ADAMTS17: variants seen among roughly 807,000 people sequenced by gnomAD.
The protein encoded by ADAMTS17 is A disintegrin and metalloproteinase with thrombospondin motifs 17.
A neutral mutation model predicts 141.5 loss-of-function variants in ADAMTS17; 113 were observed. The observed-to-expected ratio is 0.80, with a 90% CI of 0.69 to 0.93. The LOEUF (loss-of-function observed/expected upper bound fraction) is 0.93. Among genes scored for constraint, ADAMTS17 ranks in the 40% least tolerant of loss-of-function variants. The pLI, the probability that ADAMTS17 is intolerant of heterozygous loss-of-function variation, is 0.00. For synonymous variants in ADAMTS17, 768 were observed against 630.6 expected (o/e 1.22, Z -3.27); for missense variants, 1,659 against 1,517.9 (o/e 1.09, Z -1.54).
chr15:100,261,645 A>G lies in ADAMTS17; in HGVS notation c.874-9T>C, dbSNP rs748191050. The G allele has an allele frequency of 2.5e-6, 4 of 1,613,096 alleles. No individual in the cohort carries two copies. The highest frequency in any genetic ancestry group is 4.5e-5 in the East Asian group (2 of 44,868). ...CCAATGGACAACTTAGCCTAAAAAA[A>G]GTCAGAGGACAGTTAGAGAAACAAA... On this transcript the variant is annotated splice_polypyrimidine_tract_variant and intron_variant, in intron 5 of 21. Coordinates refer to ENST00000268070, the MANE Select transcript of ADAMTS17 (RefSeq NM_139057.4).
intron 10 of ADAMTS17, among the ~76,000 whole-genome samples, chr15:100,152,289 CAG>C (rs1222822949): frequency 1.3e-5 from 2 of 152,106 alleles, no homozygotes; most frequent in African/African-American, 4.8e-5. Context: ...GTTAGGCTAC[CAG>C]AGTCAGTAGT....
At chr15:100,286,974 G>A (rs1239221940) in intron 3 of ADAMTS17, among the ~76,000 whole-genome samples, 1 of 152,226 alleles carries the variant, frequency 6.6e-6, no homozygotes, top group African/African-American at 2.4e-5. Flanking sequence ...CGGATCACAA[G>A]GTCAAGAGAT....
chr15:100,319,350 G>GAATTTGAGCTCACGGTAT (rs1271667353), intron 3 of ADAMTS17, among the ~76,000 whole-genome samples: 4 of 152,214 alleles, frequency 2.6e-5, no homozygotes, highest in African/African-American at 9.7e-5. Context: ...CACATCAGCA[G>GAATTTGAGCTCACGGTAT]AATTTGAGCT....
At chr15:100,235,113 G>A (rs540569240) in intron 7 of ADAMTS17, among the ~76,000 whole-genome samples, 27 of 152,318 alleles carry the variant, frequency 1.8e-4, no homozygotes, top group South Asian at 8.3e-4. Context: ...GAAGGCAGAC[G>A]CGGGCCCACG....
At position 100,341,373 on chromosome 15, in the gene ADAMTS17, A is replaced by C; in HGVS notation, c.116T>G (p.Leu39Arg). 2 of 1,017,322 alleles carry C rather than the reference A, an allele frequency of 2.0e-6. No homozygotes were observed. The highest frequency in any genetic ancestry group is 2.3e-6 in the Non-Finnish European group (2 of 852,774). 63.0% of individuals were successfully genotyped at this position (1,017,322 alleles called of 1,614,324 possible). ...GTCGTCGGGGCGCACCCGCCACGGGAGCACCACCTCCACGTCGGCCGCCGC... is the reference window on the plus strand; with the variant it reads ...GTCGTCGGGGCGCACCCGCCACGGGCGCACCACCTCCACGTCGGCCGCCGC... Reference protein sequence around the residue: ...GDAAADVEVVLPWRVRPDDVH... With the variant: ...GDAAADVEVVRPWRVRPDDVH... Residue 39 changes from leucine (L) to arginine (R), a missense_variant, in exon 2 of 22, where the codon CTC becomes CGC. By Grantham distance (102) the Leu-to-Arg change is moderately radical. Coordinates refer to ENST00000268070, the MANE Select transcript of ADAMTS17 (RefSeq NM_139057.4).
In ADAMTS17 at chr15:100,121,087, C is replaced by A. The variant is rs191036419; in HGVS notation, c.1722-4074G>T. ...ATAAGAACTGAAATGAAAAATCCACCAGTTCAGAGAAGATTTTAGCAGGCA... is the reference window on the plus strand; with the variant it reads ...ATAAGAACTGAAATGAAAAATCCACAAGTTCAGAGAAGATTTTAGCAGGCA... On this transcript the variant is annotated intron_variant, in intron 12 of 21. Transcript: ENST00000268070. 3.7e-3 allele frequency among the ~76,000 whole-genome samples: 568 copies of A among 152,160 alleles called. 6 individuals are homozygous for A. The highest frequency in any genetic ancestry group is 0.013 in the African/African-American group (540 of 41,520).
At chr15:100,332,697 A>G (rs2046092033) in intron 2 of ADAMTS17, among the ~76,000 whole-genome samples, 1 of 152,222 alleles carries the variant, frequency 6.6e-6, no homozygotes, top group Non-Finnish European at 1.5e-5. Context: ...ACTCATATAC[A>G]CATGCAAAGC....
Position 100,135,281 on chromosome 15 carries a change from A to G in ADAMTS17, c.1474-1966T>C, listed in dbSNP as rs147863116. On this transcript the variant is annotated intron_variant, in intron 10 of 21. Transcript: ENST00000268070. Reference sequence around the variant, plus strand: ...TAATGAATTACACCATATTAAAATTAACAACTTTTTTTTTTTTTTTGAGAC... The same window carrying G: ...TAATGAATTACACCATATTAAAATTGACAACTTTTTTTTTTTTTTTGAGAC... Among the ~76,000 whole-genome samples, 20 of 148,008 alleles carry G rather than the reference A, an allele frequency of 1.4e-4. No individual in the cohort carries two copies. The East Asian group carries it at 4.1e-3, about 30-fold the overall frequency.
intron 2 of ADAMTS17, among the ~76,000 whole-genome samples, chr15:100,335,985 T>C (rs575726162): frequency 4.2e-4 from 64 of 152,326 alleles, no homozygotes; most frequent in African/African-American, 1.5e-3. Flanking sequence ...AAAAAACATC[T>C]TCCCCATCAC....
chr15:100,296,574 AGG>A (rs142076301), intron 3 of ADAMTS17, among the ~76,000 whole-genome samples: 58,399 of 149,542 alleles, frequency 0.39, 11,393 homozygotes, highest in South Asian at 0.47. Flanking sequence ...GGAGGGGGTG[AGG>A]GGGGGTGTGT....
intron 18 of ADAMTS17, among the ~76,000 whole-genome samples, chr15:100,010,083 TC>T (rs1359394015): frequency 6.6e-6 from 1 of 152,222 alleles, no homozygotes; most frequent in Non-Finnish European, 1.5e-5. Context: ...AAAGGGCAGT[TC>T]CCCGGCACAT....
At chr15:100,302,748 A>G (rs1217696121) in intron 3 of ADAMTS17, among the ~76,000 whole-genome samples, 1 of 152,218 alleles carries the variant, frequency 6.6e-6, no homozygotes, top group African/African-American at 2.4e-5. Context: ...GGATTGAAGA[A>G]TACAAAGTAT....
intron 8 of ADAMTS17, among the ~76,000 whole-genome samples, chr15:100,175,731 C>T (rs1038756190): frequency 5.3e-5 from 8 of 152,036 alleles, no homozygotes; most frequent in Non-Finnish European, 1.0e-4. Context: ...TCAAATCTCA[C>T]CAGTGTCAAC....
At chr15:99,977,396 ATATAATTTTTTTTT>A (rs2060381304) in intron 20 of ADAMTS17, among the ~76,000 whole-genome samples, 2 of 4,868 alleles carry the variant, frequency 4.1e-4, no homozygotes, top group African/African-American at 1.3e-3. Context: ...ATATATATAT[ATATAATTTTTTTTT>A]TTTTTTTTTT....
intron 3 of ADAMTS17, among the ~76,000 whole-genome samples, chr15:100,307,663 G>A (rs536606995): frequency 3.9e-5 from 6 of 152,182 alleles, no homozygotes; most frequent in Admixed American, 1.3e-4. Context: ...GAACCATGCC[G>A]TTTTACTGTG....
chr15:100,196,315 GA>G (rs2141617497), intron 8 of ADAMTS17, among the ~76,000 whole-genome samples: 1 of 152,338 alleles, frequency 6.6e-6, no homozygotes, highest in Non-Finnish European at 1.5e-5. Flanking sequence ...GTTAATTGCT[GA>G]AAATAAGCCC....
At chr15:100,045,107 T>TG (rs1368812803) in intron 18 of ADAMTS17, among the ~76,000 whole-genome samples, 1 of 152,076 alleles carries the variant, frequency 6.6e-6, no homozygotes, top group Non-Finnish European at 1.5e-5. Flanking sequence ...ATGCCCAGCC[T>TG]GTTAATTTGG....
intron 7 of ADAMTS17, among the ~76,000 whole-genome samples, chr15:100,200,132 C>T (rs1458554610): frequency 6.6e-6 from 1 of 152,232 alleles, no homozygotes; most frequent in East Asian, 1.9e-4. Context: ...TCTCCACACA[C>T]ACATGCTCGC....
intron 18 of ADAMTS17, among the ~76,000 whole-genome samples, chr15:100,006,740 A>G (rs2061043226): frequency 2.0e-5 from 3 of 152,230 alleles, no homozygotes; most frequent in Admixed American, 2.0e-4. Context: ...TCTCTGTGCT[A>G]GGAATGTTCC....
Sources: gnomAD v4.1 joint callset for allele counts (sites outside exome capture counted in the v4.1 genomes callset) on GRCh38, gnomAD v4.1.1 for gene constraint, MANE v1.5 for transcripts, NCBI Gene and HGNC (gene_info 2026-07-23, HGNC 2026-07-21) for gene names.